SNRNP70: variants seen among roughly 807,000 people sequenced by gnomAD.
SNRNP70 encodes the protein U1 small nuclear ribonucleoprotein 70 kDa.
In SNRNP70, 8 loss-of-function variants were observed where a neutral mutation model predicts 50.5. The observed-to-expected ratio is 0.16, with a 90% CI of 0.09 to 0.29. The LOEUF (loss-of-function observed/expected upper bound fraction) is 0.29. Ranked by LOEUF, SNRNP70 falls within the 10% of genes least tolerant of loss-of-function variation. SNRNP70 has a pLI of 1.00. For missense variants in SNRNP70, 529 were observed against 663.5 expected (o/e 0.80, Z 2.23); for synonymous variants, 320 against 252.9 (o/e 1.27, Z -2.52).
intron 4 of SNRNP70, 65 bp downstream of exon 4, chr19:49,090,585 T>C (rs1457536848): frequency 6.7e-7 from 1 of 1,486,346 alleles, no homozygotes; most frequent in East Asian, 2.3e-5. Flanking sequence ...TCCCAGGTCA[T>C]ACCCAGGACC....
chr19:49,089,656 ATTTTTTTTTTT>A (rs71179085), intron 2 of SNRNP70, among the ~76,000 whole-genome samples: 5 of 82,586 alleles, frequency 6.1e-5, no homozygotes, highest in African/African-American at 9.2e-5. Context: ...TTGAGACAGG[ATTTTTTTTTTT>A]TTTTTTTTTT....
chr19:49,104,685 T>C lies in SNRNP70; in HGVS notation c.527T>C (p.Val176Ala). 1 of 1,561,502 alleles carries C rather than the reference T, an allele frequency of 6.4e-7. No homozygotes were observed. Among genetic ancestry groups the C allele is most frequent in the Non-Finnish European group, 8.7e-7 (1 of 1,152,642 alleles). ...GKKIDGRRVL[V>A]DVERGRTVKG... ...AAGATTGATGGCAGGAGGGTCCTTGTGGACGTGGAGAGGGGCCGAACCGTG... is the reference window on the plus strand; with the variant it reads ...AAGATTGATGGCAGGAGGGTCCTTGCGGACGTGGAGAGGGGCCGAACCGTG... Residue 176 changes from valine (V) to alanine (A), a missense_variant, in exon 8 of 10, where the codon GTG (valine) becomes GCG (alanine). Around this residue, in one of 4 missense-constraint regions of SNRNP70, gnomAD observed 149 missense variants for 259.7 expected, o/e 0.57. Coordinates refer to ENST00000598441, the MANE Select transcript of SNRNP70 (RefSeq NM_003089.6). The surrounding 1 kb of genome is among the most constrained non-coding windows in gnomAD (Gnocchi z 5.4).
Position 49,088,498 on chromosome 19 carries a change from C to CTT in SNRNP70, c.148-1778_148-1777dup, listed in dbSNP as rs71179084. Among the ~76,000 whole-genome samples the CTT allele has an allele frequency of 7.8e-3, 772 of 99,494 alleles. 22 individuals are homozygous for CTT. The highest frequency in any genetic ancestry group is 0.024 in the African/African-American group (606 of 24,846). 65.3% of individuals were successfully genotyped at this position (99,494 alleles called of 152,430 possible). ...ACAGACGTGAGCCACCGCACCCGAC[C>CTT]TTTTTTTTTTTTTTTTGAGATGGAG... On this transcript the variant is annotated intron_variant, in intron 2 of 9. Transcript: ENST00000598441.
At chr19:49,093,367 G>A (rs140147488) in intron 4 of SNRNP70, among the ~76,000 whole-genome samples, 3 of 122 alleles carry the variant, frequency 0.025, no homozygotes, top group African/African-American at 0.042. Context: ...ATTACAGGGC[G>A]TAGCCACCAC....
At position 49,108,457 on chromosome 19, in the gene SNRNP70, T is replaced by C; in HGVS notation, c.*14T>C. On this transcript the variant is annotated 3_prime_UTR_variant, in exon 10 of 10. Coordinates refer to ENST00000598441, the MANE Select transcript of SNRNP70 (RefSeq NM_003089.6). ...GCGCCGGAGTGAAGAGGTCGTCCTC[T>C]CCATCTGCTGTGTTTGGACGCGTTC... 1 of 1,582,260 alleles carries C rather than the reference T, an allele frequency of 6.3e-7. No individual in the cohort carries two copies. The highest frequency in any genetic ancestry group is 8.6e-7 in the Non-Finnish European group (1 of 1,165,230).
intron 4 of SNRNP70, among the ~76,000 whole-genome samples, chr19:49,093,368 T>TG (rs2040472188): frequency 6.6e-6 from 1 of 152,160 alleles, no homozygotes; most frequent in Non-Finnish European, 1.5e-5. Flanking sequence ...TTACAGGGCG[T>TG]AGCCACCACA....
Position 49,102,065 on chromosome 19 carries a change from C to T in SNRNP70, c.475+594C>T, listed in dbSNP as rs763160929. ...TGGGGGAGGGTGGGCAGGGCTGCGG[C>T]GTGTCCAGGGGCCGCCGTATTAATT... On this transcript the variant is annotated intron_variant, in intron 7 of 9. Transcript: ENST00000598441. 110 of 1,010,900 alleles carry T rather than the reference C, an allele frequency of 1.1e-4. 1 individual carries two copies. Among genetic ancestry groups the T allele is most frequent in the South Asian group, 8.4e-4 (63 of 75,414 alleles). 62.6% of individuals were successfully genotyped at this position (1,010,900 alleles called of 1,614,324 possible).
chr19:49,095,866 A>G (rs1029305652), intron 4 of SNRNP70, among the ~76,000 whole-genome samples: 2 of 151,722 alleles, frequency 1.3e-5, no homozygotes, highest in Non-Finnish European at 2.9e-5. Flanking sequence ...CCCAACAACT[A>G]TAGCATTTCC....
At chr19:49,105,527 G>A (rs1317063930) in intron 8 of SNRNP70, among the ~76,000 whole-genome samples, 1 of 152,002 alleles carries the variant, frequency 6.6e-6, no homozygotes, top group Non-Finnish European at 1.5e-5. Context: ...AGGAGTTCGA[G>A]ACCAGCCTGG....
intron 6 of SNRNP70, among the ~76,000 whole-genome samples, chr19:49,100,573 G>T (rs3795054): frequency 6.6e-6 from 1 of 152,022 alleles, no homozygotes; most frequent in South Asian, 2.1e-4. Flanking sequence ...TTGGGAGGCC[G>T]AGAAGGGCAG....
chr19:49,089,086 C>T (rs1268608156), intron 2 of SNRNP70, among the ~76,000 whole-genome samples: 1 of 152,178 alleles, frequency 6.6e-6, no homozygotes, highest in African/African-American at 2.4e-5. Flanking sequence ...TCACCTGTAC[C>T]AGTGCTTTTC....
chr19:49,085,745 C>T (rs1202542588), intron 1 of SNRNP70, 109 bp downstream of exon 1: 13 of 434,456 alleles, frequency 3.0e-5, no homozygotes, highest in Non-Finnish European at 3.7e-5. Context: ...CCCGCGTCCC[C>T]GCCACAGGTC....
intron 6 of SNRNP70, among the ~76,000 whole-genome samples, chr19:49,100,913 T>C (rs944017688): frequency 4.6e-5 from 7 of 152,090 alleles, no homozygotes; most frequent in African/African-American, 1.7e-4. Context: ...ACCACCCACA[T>C]TGGCCCTTCC....
chr19:49,095,695 T>A (rs931539247), intron 4 of SNRNP70, among the ~76,000 whole-genome samples: 1 of 151,982 alleles, frequency 6.6e-6, no homozygotes. Flanking sequence ...TAATTTTTTG[T>A]GTATTTTTAG....
chr19:49,104,324 C>T lies in SNRNP70; in HGVS notation c.476-310C>T, dbSNP rs2040635294. On this transcript the variant is annotated intron_variant, in intron 7 of 9. Transcript: ENST00000598441. This position sits in a 1 kb window ranked among gnomAD's most constrained non-coding sequence, Gnocchi z 5.4. ...TTTGCAGCGATTTTGGCCGCCCTGG[C>T]GGGAGGGGGCTGTTCCATCATGTGG... 2.5e-5 allele frequency: 8 copies of T among 317,302 alleles called. No individual in the cohort carries two copies. Among genetic ancestry groups the T allele is most frequent in the South Asian group, 2.4e-4 (5 of 20,886 alleles). 19.7% of individuals were successfully genotyped at this position (317,302 alleles called of 1,614,324 possible). A position where few individuals can be genotyped will look rare whatever the true frequency, so the allele number is the denominator to read the frequency against.
chr19:49,086,629 A>C, intron 2 of SNRNP70, 68 bp downstream of exon 2: 3 of 1,460,528 alleles, frequency 2.1e-6, no homozygotes, highest in South Asian at 1.2e-5. Context: ...TTGCGAGTCC[A>C]GCTTCTGGCC....
Position 49,104,301 on chromosome 19 carries a change from T to C in SNRNP70, c.476-333T>C. On this transcript the variant is annotated intron_variant, in intron 7 of 9. Coordinates refer to ENST00000598441, the MANE Select transcript of SNRNP70 (RefSeq NM_003089.6). This position sits in a 1 kb window ranked among gnomAD's most constrained non-coding sequence, Gnocchi z 5.4. Reference sequence around the variant, plus strand: ...GCGTGGAGTTAACCTTCAGTTTCTTTGCAGCGATTTTGGCCGCCCTGGCGG... The same window carrying C: ...GCGTGGAGTTAACCTTCAGTTTCTTCGCAGCGATTTTGGCCGCCCTGGCGG... 1 of 281,984 alleles carries C rather than the reference T, an allele frequency of 3.5e-6. No individual in the cohort carries two copies. The highest frequency in any genetic ancestry group is 4.6e-5 in the South Asian group (1 of 21,728). 17.5% of individuals were successfully genotyped at this position (281,984 alleles called of 1,614,324 possible). A position where few individuals can be genotyped will look rare whatever the true frequency, so the allele number is the denominator to read the frequency against.
At position 49,098,697 on chromosome 19, in the gene SNRNP70, T is replaced by C. The variant is rs199900619; in HGVS notation, c.386T>C (p.Ile129Thr). ...AGAGAGTTTGAGGTGTACGGACCTA[T>C]CAAAAGAGTAAGTGGAGTGGGTCAG... is the stretch of plus-strand genomic sequence containing the variant. ...LRREFEVYGPIKRIHMVYSKR... is the reference protein window; with the variant it reads ...LRREFEVYGPTKRIHMVYSKR... Residue 129 changes from isoleucine (I) to threonine (T), a missense_variant, in exon 6 of 10, where the codon ATC becomes ACC. Ile to Thr is a moderately conservative substitution (Grantham distance 89, BLOSUM62 -1). Transcript: ENST00000598441. The C allele has an allele frequency of 6.2e-7, 1 of 1,613,726 alleles. No individual in the cohort carries two copies. The highest frequency in any genetic ancestry group is 8.5e-7 in the Non-Finnish European group (1 of 1,179,716).
At chr19:49,093,732 T>C (rs115203770) in intron 4 of SNRNP70, among the ~76,000 whole-genome samples, 2,444 of 143,788 alleles carry the variant, frequency 0.017, 59 homozygotes, top group African/African-American at 0.059. Flanking sequence ...CGGAGGCTCA[T>C]GCCTGTTGTC....
Sources: allele counts gnomAD v4.1 joint callset (sites outside exome capture counted in the v4.1 genomes callset), GRCh38; gene constraint gnomAD v4.1.1; regional missense constraint gnomAD v4.1.1; non-coding constraint Gnocchi (gnomAD v3.1); transcripts MANE v1.5; gene names NCBI Gene and HGNC (gene_info 2026-07-23, HGNC 2026-07-21).